Variants in TLE4 observed in about 807,000 individuals in gnomAD.
TLE4 encodes the protein transducin-like enhancer protein 4.
In TLE4, 8 loss-of-function variants were observed where a neutral mutation model predicts 92.8. The observed-to-expected ratio is 0.09, with a 90% CI of 0.05 to 0.16. The LOEUF is 0.16. Among genes scored for constraint, TLE4 ranks in the 10% least tolerant of loss-of-function variants. TLE4 has a pLI of 1.00. For missense variants in TLE4, 675 were observed against 997.6 expected (o/e 0.68, Z 4.36); for synonymous variants, 371 against 374.1 (o/e 0.99, Z 0.10).
chr9:79,590,627 GT>G (rs960771461), intron 4 of TLE4, among the ~76,000 whole-genome samples: 1 of 152,060 alleles, frequency 6.6e-6, no homozygotes, highest in African/African-American at 2.4e-5. Flanking sequence ...TGATAGGAGG[GT>G]TTTTTTATAA....
intron 6 of TLE4, among the ~76,000 whole-genome samples, chr9:79,638,402 A>T (rs2056428529): frequency 6.6e-6 from 1 of 152,172 alleles, no homozygotes; most frequent in Non-Finnish European, 1.5e-5. Flanking sequence ...GTAATATTGC[A>T]AACTTAAAAA....
rs1460543856 is a variant in TLE4 at position 79,704,136 on chromosome 9, CAG to C, written c.610-644_610-643del. Among the ~76,000 whole-genome samples, 3 of 152,010 alleles carry C rather than the reference CAG, an allele frequency of 2.0e-5. No individual in the cohort carries two copies. The South Asian group carries it at 6.2e-4, about 32-fold the overall frequency. ...CCAACTTTCTTTCTTTTTTTTGAGA[CAG>C]AGTTTCACTCTGTCGCCCAGGCTGG... On this transcript the variant is annotated intron_variant, in intron 8 of 19. Transcript: ENST00000376552.
intron 4 of TLE4, among the ~76,000 whole-genome samples, chr9:79,578,144 A>T (rs987131084): frequency 6.6e-6 from 1 of 152,142 alleles, no homozygotes; most frequent in African/African-American, 2.4e-5. Context: ...TTTCCTAGGC[A>T]GACAGCCTTA....
chr9:79,610,726 AC>A (rs1351117090), intron 4 of TLE4, among the ~76,000 whole-genome samples: 1 of 152,056 alleles, frequency 6.6e-6, no homozygotes, highest in Non-Finnish European at 1.5e-5. Context: ...TCTCCTTTTT[AC>A]ATTTATTTTT....
intron 19 of TLE4, among the ~76,000 whole-genome samples, chr9:79,724,508 T>C (rs895033820): frequency 1.3e-5 from 2 of 152,096 alleles, no homozygotes; most frequent in African/African-American, 4.8e-5. Flanking sequence ...CTGACTGACC[T>C]GGTGAGGTGT....
intron 8 of TLE4, among the ~76,000 whole-genome samples, chr9:79,666,200 T>TGG (rs2061373560): frequency 1.6e-5 from 2 of 123,498 alleles, no homozygotes; most frequent in African/African-American, 6.1e-5. Context: ...TGTGTGTGGG[T>TGG]GGGGTTTTTT....
At chr9:79,704,599 T>A in intron 8 of TLE4, 184 bp from the exon 9 acceptor site, 1 of 684,748 alleles carries the variant, frequency 1.5e-6, no homozygotes. Flanking sequence ...TTTTGCTACT[T>A]GTCTTTCCCT....
chr9:79,673,391 C>T (rs1177974235), intron 8 of TLE4, among the ~76,000 whole-genome samples: 1 of 152,130 alleles, frequency 6.6e-6, no homozygotes, highest in African/African-American at 2.4e-5. Context: ...TGAATGTAAC[C>T]CAATTCCATT....
chr9:79,599,197 C>G (rs59461312), intron 4 of TLE4, among the ~76,000 whole-genome samples: 2,842 of 152,284 alleles, frequency 0.019, 27 homozygotes, highest in African/African-American at 0.027. Flanking sequence ...TTACTGCCTT[C>G]TAAATAAAGT....
intron 8 of TLE4, among the ~76,000 whole-genome samples, chr9:79,661,962 A>G (rs894269545): frequency 4.6e-5 from 7 of 152,100 alleles, no homozygotes; most frequent in African/African-American, 1.7e-4. Context: ...GTTTTCCTTC[A>G]CTAGAAACTG....
At chr9:79,657,683 C>T (rs1161497878) in intron 8 of TLE4, among the ~76,000 whole-genome samples, 1 of 152,086 alleles carries the variant, frequency 6.6e-6, no homozygotes, top group African/African-American at 2.4e-5. Flanking sequence ...GCCAAAATTG[C>T]CTGAAACTTG....
chr9:79,650,002 A>ATTGTGCTACTG, intron 6 of TLE4: 1 of 648,186 alleles, frequency 1.5e-6, no homozygotes, highest in Non-Finnish European at 2.2e-6. Context: ...TGCAGCCATG[A>ATTGTGCTACTG]CCTCCCTGGC....
intron 8 of TLE4, among the ~76,000 whole-genome samples, chr9:79,662,287 A>G (rs1420605145): frequency 6.6e-6 from 1 of 152,106 alleles, no homozygotes; most frequent in Non-Finnish European, 1.5e-5. Flanking sequence ...GCTACTTTTC[A>G]AGTTGCTGAC....
At chr9:79,691,352 A>AT (rs965498576) in intron 8 of TLE4, among the ~76,000 whole-genome samples, 1 of 152,184 alleles carries the variant, frequency 6.6e-6, no homozygotes, top group African/African-American at 2.4e-5. Context: ...GAAGGTTTAT[A>AT]TTGTACACTT....
At chr9:79,706,036 G>A (rs981622463) in intron 10 of TLE4, 94 bp downstream of exon 10, 51 of 1,237,370 alleles carry the variant, frequency 4.1e-5, no homozygotes, top group Non-Finnish European at 5.9e-5. Flanking sequence ...CTTGAGGTTT[G>A]TCGTTTTGTT....
chr9:79,613,162 A>G (rs1467261361), intron 5 of TLE4, among the ~76,000 whole-genome samples: 1 of 152,138 alleles, frequency 6.6e-6, no homozygotes, highest in South Asian at 2.1e-4. Context: ...TTGGCTAGCT[A>G]CTTTTAAACA....
At chr9:79,628,110 G>A (rs535971012) in intron 6 of TLE4, among the ~76,000 whole-genome samples, 1 of 151,936 alleles carries the variant, frequency 6.6e-6, no homozygotes, top group East Asian at 1.9e-4. Flanking sequence ...AATGTAACAG[G>A]CAATAAAATA....
rs771658132 is a variant in TLE4, at chr9:79,573,795, A to G, written c.143+9A>G. 6 of 1,565,252 alleles carry G rather than the reference A, an allele frequency of 3.8e-6. No homozygotes were observed. The African/African-American group carries it at 5.4e-5, about 14-fold the overall frequency. Reference sequence around the variant, plus strand: ...CAGGCTCAATACCACAGGTAACGATATTGACTTTAGCTGATCCTTCTGTTT... The same window carrying G: ...CAGGCTCAATACCACAGGTAACGATGTTGACTTTAGCTGATCCTTCTGTTT... On this transcript the variant is annotated intron_variant, in intron 2 of 19. Coordinates refer to ENST00000376552, the MANE Select transcript of TLE4 (RefSeq NM_007005.6).
chr9:79,688,083 A>T (rs2066270010), intron 8 of TLE4, among the ~76,000 whole-genome samples: 1 of 152,048 alleles, frequency 6.6e-6, no homozygotes, highest in African/African-American at 2.4e-5. Flanking sequence ...GAGAAGGCCC[A>T]CCTTGCTGGT....
Sources: allele counts gnomAD v4.1 joint callset (sites outside exome capture counted in the v4.1 genomes callset), GRCh38; gene constraint gnomAD v4.1.1; transcripts MANE v1.5; gene names NCBI Gene and HGNC (gene_info 2026-07-23, HGNC 2026-07-21).